PRR16: variants seen among roughly 807,000 people sequenced by gnomAD.
PRR16 encodes the protein protein Largen.
In PRR16, 6 loss-of-function variants were observed where a neutral mutation model predicts 18.2. The ratio of observed to expected loss-of-function variants is 0.33; its 90% confidence interval spans 0.18 to 0.65. The LOEUF is 0.65. PRR16 is among the 30% of genes least tolerant of loss of function. The pLI, the probability that PRR16 is intolerant of heterozygous loss-of-function variation, is 0.74. For synonymous variants in PRR16, 151 were observed against 147.8 expected (o/e 1.02, Z -0.16); for missense variants, 412 against 376.6 (o/e 1.09, Z -0.78).
the PRR16 span, among the ~76,000 whole-genome samples, chr5:120,783,304 G>T: frequency 1.8e-4 from 27 of 152,252 alleles, no homozygotes; most frequent in East Asian, 3.9e-3. Flanking sequence ...CAGACTTAAA[G>T]ATTACAATGA....
At chr5:120,702,100 A>G in the PRR16 span, among the ~76,000 whole-genome samples, 2 of 151,908 alleles carry the variant, frequency 1.3e-5, no homozygotes, top group East Asian at 1.9e-4. Context: ...TAGAGAAAAG[A>G]GAGAGCAGAG....
At chr5:120,482,159 G>T (rs1182666988) in intron 1 of PRR16, among the ~76,000 whole-genome samples, 1 of 152,024 alleles carries the variant, frequency 6.6e-6, no homozygotes, top group Non-Finnish European at 1.5e-5. Context: ...TTACATTCAG[G>T]GGGTACATGT....
chr5:120,789,612 A>G, the PRR16 span, among the ~76,000 whole-genome samples: 2 of 152,132 alleles, frequency 1.3e-5, no homozygotes, highest in Non-Finnish European at 2.9e-5. Flanking sequence ...TCAATGGAAA[A>G]GCATTTCTTA....
chr5:120,557,213 T>C (rs1485189983), intron 1 of PRR16, among the ~76,000 whole-genome samples: 2 of 151,918 alleles, frequency 1.3e-5, no homozygotes, highest in South Asian at 4.1e-4. Flanking sequence ...ATCTGTCTTT[T>C]CTGAGGTATT....
intron 1 of PRR16, among the ~76,000 whole-genome samples, chr5:120,485,212 G>A (rs1304976164): frequency 6.6e-6 from 1 of 152,034 alleles, no homozygotes; most frequent in Non-Finnish European, 1.5e-5. Context: ...AGTCCATTTA[G>A]AAGAGTGGAT....
intron 1 of PRR16, among the ~76,000 whole-genome samples, chr5:120,640,907 G>A (rs1419879724): frequency 6.6e-6 from 1 of 152,160 alleles, no homozygotes. Context: ...TTGGCAGTCT[G>A]TGAATTGGCT....
chr5:120,499,651 A>G (rs1020654961), intron 1 of PRR16, among the ~76,000 whole-genome samples: 1 of 150,312 alleles, frequency 6.7e-6, no homozygotes, highest in Non-Finnish European at 1.5e-5. Context: ...TTTCTTTTCT[A>G]CTTCTATTAT....
chr5:120,491,039 C>T (rs1398808669), intron 1 of PRR16, among the ~76,000 whole-genome samples: 2 of 152,184 alleles, frequency 1.3e-5, no homozygotes, highest in Middle Eastern at 3.4e-3. Context: ...AGTACCCGGC[C>T]GTGTGAGGTA....
chr5:120,506,151 A>G (rs1750639342), intron 1 of PRR16, among the ~76,000 whole-genome samples: 2 of 152,014 alleles, frequency 1.3e-5, no homozygotes, highest in African/African-American at 4.8e-5. Context: ...TTCTGTACAG[A>G]GGCTGTGGAG....
intron 1 of PRR16, among the ~76,000 whole-genome samples, chr5:120,621,004 C>G (rs539465079): frequency 6.6e-6 from 1 of 152,242 alleles, no homozygotes; most frequent in African/African-American, 2.4e-5. Flanking sequence ...GTAAATCACT[C>G]CCTCATCAAA....
At chr5:120,761,300 C>A in the PRR16 span, among the ~76,000 whole-genome samples, 1 of 152,028 alleles carries the variant, frequency 6.6e-6, no homozygotes, top group African/African-American at 2.4e-5. Context: ...TTGCTGATTA[C>A]ATCCCCAAGG....
At chr5:120,786,488 A>C in the PRR16 span, among the ~76,000 whole-genome samples, 14 of 150,426 alleles carry the variant, frequency 9.3e-5, no homozygotes, top group African/African-American at 3.4e-4. Flanking sequence ...CAGACACATG[A>C]CACATTGTCC....
the PRR16 span, among the ~76,000 whole-genome samples, chr5:120,746,550 C>T: frequency 2.6e-5 from 4 of 152,054 alleles, no homozygotes; most frequent in Admixed American, 2.0e-4. Context: ...TTATCTTTTA[C>T]GAATTTCTTT....
the PRR16 span, among the ~76,000 whole-genome samples, chr5:120,712,171 A>AT: frequency 6.6e-6 from 1 of 152,126 alleles, no homozygotes; most frequent in Non-Finnish European, 1.5e-5. Context: ...CGTGTAAGCA[A>AT]TTTTACATAT....
At chr5:120,676,672 TAGGGAGAACTTA>T (rs527878109) in intron 1 of PRR16, among the ~76,000 whole-genome samples, 19 of 152,196 alleles carry the variant, frequency 1.2e-4, no homozygotes, top group Admixed American at 3.9e-4. Context: ...CTTTAGGTGA[TAGGGAGAACTTA>T]AGAACAATGT....
At chr5:120,671,367 A>T (rs774090226) in intron 1 of PRR16, among the ~76,000 whole-genome samples, 1 of 152,132 alleles carries the variant, frequency 6.6e-6, no homozygotes, top group Non-Finnish European at 1.5e-5. Context: ...AGCTAGTGAG[A>T]GTCCAAATCA....
the PRR16 span, among the ~76,000 whole-genome samples, chr5:120,699,846 A>C: frequency 3.3e-5 from 5 of 152,124 alleles, no homozygotes; most frequent in African/African-American, 1.2e-4. Flanking sequence ...CAGTCAGACA[A>C]GATTGGCAGG....
intron 1 of PRR16, among the ~76,000 whole-genome samples, chr5:120,520,905 T>C (rs1034501534): frequency 6.6e-6 from 1 of 152,200 alleles, no homozygotes; most frequent in African/African-American, 2.4e-5. Context: ...ACATTACTTT[T>C]TTTTTTTATA....
At chr5:120,522,266 G>A (rs1751208178) in intron 1 of PRR16, among the ~76,000 whole-genome samples, 1 of 152,156 alleles carries the variant, frequency 6.6e-6, no homozygotes, top group Admixed American at 6.5e-5. Context: ...CACAATGGTT[G>A]AACTAGTTTA....
Sources: gnomAD v4.1 joint callset for allele counts (sites outside exome capture counted in the v4.1 genomes callset) on GRCh38, gnomAD v4.1.1 for gene constraint, MANE v1.5 for transcripts, NCBI Gene and HGNC (gene_info 2026-07-23, HGNC 2026-07-21) for gene names.